PTPRE: variants seen among roughly 807,000 people sequenced by gnomAD.
The protein encoded by PTPRE is receptor-type tyrosine-protein phosphatase epsilon.
Under a neutral mutation model 102.0 loss-of-function variants are expected in PTPRE, and 51 were observed. That is an observed-to-expected ratio of 0.50 (90% CI 0.40 to 0.63). PTPRE has a LOEUF of 0.63. Among genes scored for constraint, PTPRE ranks in the 30% least tolerant of loss-of-function variants. The pLI, the probability that PTPRE is intolerant of heterozygous loss-of-function variation, is 0.00. For missense variants in PTPRE, 752 were observed against 915.1 expected, an observed-to-expected ratio of 0.82 and a Z score of 2.30; for synonymous variants, 345 against 348.2, an observed-to-expected ratio of 0.99 and a Z score of 0.10.
chr10:128,023,646 C>A (rs778734534), intron 2 of PTPRE, among the ~76,000 whole-genome samples: 17 of 152,170 alleles, frequency 1.1e-4, no homozygotes, highest in Non-Finnish European at 2.2e-4. Context: ...GCTCTTGGAC[C>A]GTATCCCGCA....
chr10:127,994,309 G>A (rs1026798598), intron 2 of PTPRE, among the ~76,000 whole-genome samples: 1 of 152,280 alleles, frequency 6.6e-6, no homozygotes, highest in African/African-American at 2.4e-5. Context: ...TTTCTGGAAA[G>A]GCCTTCCCTG....
At position 128,072,220 on chromosome 10, in the gene PTPRE, T is replaced by C. The variant is rs1402092338; in HGVS notation, c.1464+6T>C. 1 of 1,611,338 alleles carries C rather than the reference T, an allele frequency of 6.2e-7. No individual in the cohort carries two copies. ...TCAACGCATCCTTCATAGACGTACG[T>C]ATGCTGGCCTGGGTTGTGTTTATGC... On this transcript the variant is annotated splice_donor_region_variant and intron_variant, in intron 16 of 20. Coordinates refer to ENST00000254667, the MANE Select transcript of PTPRE (RefSeq NM_006504.6).
At chr10:128,017,336 C>A (rs1327666818) in intron 2 of PTPRE, among the ~76,000 whole-genome samples, 1 of 152,128 alleles carries the variant, frequency 6.6e-6, no homozygotes, top group African/African-American at 2.4e-5. Context: ...GCCTGGCACG[C>A]TTGCTGGATG....
In PTPRE at chr10:128,068,209, C is replaced by T. The variant is rs150056393; in HGVS notation, c.930C>T (p.Pro310=). Residue 310 remains proline (P), a synonymous_variant, in exon 12 of 21, where the codon CCC becomes CCT. Coordinates refer to ENST00000254667, the MANE Select transcript of PTPRE (RefSeq NM_006504.6). ...CCGACTTCGGAGTGCCTTTTACCCCCATTGGGATGCTGAAGTTCCTCAAGA... is the reference window on the plus strand; with the variant it reads ...CCGACTTCGGAGTGCCTTTTACCCCTATTGGGATGCTGAAGTTCCTCAAGA... The part of the protein sequence containing the change: ...SWPDFGVPFT[P]IGMLKFLKKV... The T allele has an allele frequency of 4.3e-6, 7 of 1,614,082 alleles. No individual in the cohort carries two copies. In the African/African-American group the frequency reaches 5.3e-5, roughly 12 times the overall value.
At chr10:127,928,114 T>C (rs546769796) in intron 1 of PTPRE, among the ~76,000 whole-genome samples, 1 of 152,304 alleles carries the variant, frequency 6.6e-6, no homozygotes, top group East Asian at 1.9e-4. Flanking sequence ...GACCGTCAGA[T>C]TTATAGTTAA....
At position 128,080,483 on chromosome 10, in the gene PTPRE, C is replaced by T. The variant is rs7087695; in HGVS notation, c.2028+788C>T. Among the ~76,000 whole-genome samples the T allele has an allele frequency of 2.2e-3, 329 of 152,312 alleles. 2 individuals are homozygous for T. The highest frequency in any genetic ancestry group is 7.4e-3 in the African/African-American group (307 of 41,568). ...GGAGCGAGGACACCTGAGCTGAGGG[C>T]GGGTCTGTCCATCCACACCCAACGA... On this transcript the variant is annotated intron_variant, in intron 20 of 20. Transcript: ENST00000254667.
At chr10:128,061,562 C>G in intron 8 of PTPRE, 117 bp from the exon 9 acceptor site, 1 of 1,295,640 alleles carries the variant, frequency 7.7e-7, no homozygotes, top group Non-Finnish European at 1.0e-6. Flanking sequence ...TAACCTTTTC[C>G]TGTGTTTTGC....
intron 2 of PTPRE, among the ~76,000 whole-genome samples, chr10:128,030,108 C>T (rs1044729716): frequency 6.6e-6 from 1 of 152,210 alleles, no homozygotes; most frequent in Non-Finnish European, 1.5e-5. Context: ...TGTGGGCTTC[C>T]CTCACCCCTC....
At chr10:127,970,682 G>A (rs1850660762) in intron 1 of PTPRE, among the ~76,000 whole-genome samples, 1 of 151,644 alleles carries the variant, frequency 6.6e-6, no homozygotes, top group Non-Finnish European at 1.5e-5. Flanking sequence ...AAAACTGACA[G>A]TTTGGACTAT....
chr10:128,078,654 G>A lies in PTPRE; in HGVS notation c.1892+871G>A, dbSNP rs899837531. ...GCTCTCTCCCTGCCTGGACCCCACC[G>A]GGGTGCACTCCTGGCCTGGCCAGTA... is the stretch of plus-strand genomic sequence containing the variant. On this transcript the variant is annotated intron_variant, in intron 19 of 20. Transcript: ENST00000254667. 3.9e-5 allele frequency among the ~76,000 whole-genome samples: 6 copies of A among 151,934 alleles called. No homozygotes were observed. In the South Asian group the frequency reaches 8.3e-4, roughly 21 times the overall value.
rs1853530209 is a variant in PTPRE at position 127,998,627 on chromosome 10, G to A, written c.-8+16331G>A. 2.0e-5 allele frequency: 3 copies of A among 152,166 alleles called. No homozygotes were observed. The South Asian group carries it at 6.2e-4, about 32-fold the overall frequency. 9.4% of individuals were successfully genotyped at this position (152,166 alleles called of 1,614,324 possible). A position where few individuals can be genotyped will look rare whatever the true frequency, so the allele number is the denominator to read the frequency against. ...GTGCCTGGCGCTGCACATAAGAAAAGACGTGGCAGCAAACCATCCTCCCGA... is the reference window on the plus strand; with the variant it reads ...GTGCCTGGCGCTGCACATAAGAAAAAACGTGGCAGCAAACCATCCTCCCGA... On this transcript the variant is annotated intron_variant, in intron 2 of 20. Transcript: ENST00000254667.
chr10:127,983,112 C>A (rs180882915), intron 2 of PTPRE, among the ~76,000 whole-genome samples: 24 of 152,264 alleles, frequency 1.6e-4, no homozygotes, highest in Admixed American at 7.8e-4. Context: ...ATTTTCAGGT[C>A]AATGGATCAA....
chr10:128,051,828 G>A (rs1194380148), intron 6 of PTPRE, among the ~76,000 whole-genome samples: 1 of 152,132 alleles, frequency 6.6e-6, no homozygotes, highest in Non-Finnish European at 1.5e-5. Context: ...CCTGTGTCTG[G>A]GGAACCCTGG....
intron 2 of PTPRE, among the ~76,000 whole-genome samples, chr10:128,038,990 C>T (rs1177924884): frequency 1.3e-5 from 2 of 152,118 alleles, no homozygotes; most frequent in Non-Finnish European, 2.9e-5. Context: ...TCAAGGGTGT[C>T]GGCCTCCTCT....
Position 128,070,745 on chromosome 10 carries a change from C to A in PTPRE, c.1294-63C>A. ...CCTTGCCAGCAGCACTAGTCCTCGG[C>A]TGAGCAATGTGCTCAGGAGTGTCAG... On this transcript the variant is annotated intron_variant, in intron 14 of 20. Coordinates refer to ENST00000254667, the MANE Select transcript of PTPRE (RefSeq NM_006504.6). The surrounding 1 kb of genome is among the most constrained non-coding windows in gnomAD (Gnocchi z 4.8). 6.5e-7 allele frequency: 1 copy of A among 1,538,794 alleles called. No homozygotes were observed. Among genetic ancestry groups the A allele is most frequent in the Non-Finnish European group, 8.9e-7 (1 of 1,118,278 alleles).
chr10:127,958,967 G>A (rs898586840), intron 1 of PTPRE, among the ~76,000 whole-genome samples: 4 of 145,916 alleles, frequency 2.7e-5, no homozygotes, highest in African/African-American at 7.7e-5. Context: ...CACGATCTCA[G>A]CTCACTACAA....
At chr10:127,921,779 C>T (rs949254923) in intron 1 of PTPRE, among the ~76,000 whole-genome samples, 1 of 152,176 alleles carries the variant, frequency 6.6e-6, no homozygotes, top group African/African-American at 2.4e-5. Context: ...CAGGAAATTC[C>T]AAGTGTGGCC....
intron 2 of PTPRE, among the ~76,000 whole-genome samples, chr10:127,984,817 C>T (rs1356875529): frequency 6.6e-6 from 1 of 152,198 alleles, no homozygotes; most frequent in African/African-American, 2.4e-5. Flanking sequence ...CCTCCCCAGC[C>T]ATGTGGAACT....
intron 2 of PTPRE, among the ~76,000 whole-genome samples, chr10:128,002,282 G>A (rs983661541): frequency 1.4e-4 from 21 of 152,226 alleles, no homozygotes; most frequent in Non-Finnish European, 2.2e-4. Context: ...TGCGGGCATC[G>A]AGGGGGAACA....
Sources: gnomAD v4.1 joint callset for allele counts (sites outside exome capture counted in the v4.1 genomes callset) on GRCh38, gnomAD v4.1.1 for gene constraint, Gnocchi (gnomAD v3.1) non-coding constraint, MANE v1.5 for transcripts, NCBI Gene and HGNC (gene_info 2026-07-23, HGNC 2026-07-21) for gene names.